Variants in DENND4A observed in about 807,000 individuals in gnomAD.
DENND4A encodes the protein DENN domain containing 4A, also known as C-myc promoter-binding protein.
In DENND4A, 70 loss-of-function variants were observed where a neutral mutation model predicts 199.3. The observed-to-expected ratio is 0.35, with a 90% confidence interval of 0.29 to 0.43. The LOEUF (loss-of-function observed/expected upper bound fraction) is 0.43. DENND4A is among the 20% of genes least tolerant of loss of function. The pLI, the probability that DENND4A is intolerant of heterozygous loss-of-function variation, is 1.00. For synonymous variants in DENND4A, 686 were observed against 766.9 expected, an observed-to-expected ratio of 0.89 and a Z score of 1.74; for missense variants, 1,723 against 2,255.8, an observed-to-expected ratio of 0.76 and a Z score of 4.78.
intron 4 of DENND4A, among the ~76,000 whole-genome samples, chr15:65,748,559 C>T (rs1322651116): frequency 1.4e-5 from 2 of 146,016 alleles, no homozygotes; most frequent in East Asian, 4.0e-4. Flanking sequence ...TTTGAGGCTA[C>T]AAAGAGCTAT....
intron 28 of DENND4A, 83 bp downstream of exon 28, chr15:65,667,842 T>A (rs2076091221): frequency 6.6e-7 from 1 of 1,508,412 alleles, no homozygotes; most frequent in African/African-American, 1.4e-5. Flanking sequence ...ATAATAAAGC[T>A]AATAAGACTA....
At chr15:65,716,453 T>A (rs2075405378) in intron 13 of DENND4A, among the ~76,000 whole-genome samples, 1 of 139,794 alleles carries the variant, frequency 7.2e-6, no homozygotes, top group Admixed American at 7.8e-5. Context: ...TGTCCATGTG[T>A]TCTCATTGTT....
chr15:65,759,629 T>C (rs1213503385), intron 2 of DENND4A, among the ~76,000 whole-genome samples: 5 of 152,196 alleles, frequency 3.3e-5, no homozygotes, highest in Non-Finnish European at 1.5e-5. Flanking sequence ...GCCTCCTAGA[T>C]GGACACTTAA....
chr15:65,695,438 TA>T (rs1271250603), intron 22 of DENND4A, among the ~76,000 whole-genome samples: 2 of 152,222 alleles, frequency 1.3e-5, no homozygotes, highest in African/African-American at 4.8e-5. Flanking sequence ...TTTAAAACTA[TA>T]AAAACCATCA....
chr15:65,718,937 G>A (rs1031115613), intron 12 of DENND4A, among the ~76,000 whole-genome samples: 2 of 150,812 alleles, frequency 1.3e-5, no homozygotes, highest in African/African-American at 2.4e-5. Flanking sequence ...CCATCACCAC[G>A]CCCAGCTAAT....
intron 1 of DENND4A, among the ~76,000 whole-genome samples, chr15:65,785,589 G>C (rs74366807): frequency 2.6e-5 from 4 of 150,990 alleles, no homozygotes; most frequent in East Asian, 3.9e-4. Flanking sequence ...TAAAATTACC[G>C]AAAAATGTAG....
intron 3 of DENND4A, among the ~76,000 whole-genome samples, chr15:65,754,584 C>T (rs1169019621): frequency 1.3e-5 from 2 of 152,146 alleles, no homozygotes; most frequent in African/African-American, 4.8e-5. Context: ...AACAAAAAGA[C>T]AACCAAATTA....
chr15:65,730,762 G>C (rs1345166744), intron 9 of DENND4A, among the ~76,000 whole-genome samples: 1 of 151,962 alleles, frequency 6.6e-6, no homozygotes, highest in East Asian at 1.9e-4. Context: ...ACTGCCGAAG[G>C]GTAAAGAGTT....
chr15:65,713,195 T>C (rs889332299), intron 14 of DENND4A, among the ~76,000 whole-genome samples: 4 of 152,228 alleles, frequency 2.6e-5, no homozygotes, highest in Non-Finnish European at 1.5e-5. Flanking sequence ...CTGCATTTGG[T>C]TGTCAAGTCT....
intron 1 of DENND4A, among the ~76,000 whole-genome samples, chr15:65,772,778 G>C (rs1013105557): frequency 7.3e-6 from 1 of 137,858 alleles, no homozygotes; most frequent in African/African-American, 2.7e-5. Context: ...CAAGCACACA[G>C]ATTGGTCAAT....
chr15:65,768,642 T>C (rs1267461914), intron 1 of DENND4A, among the ~76,000 whole-genome samples: 3 of 152,170 alleles, frequency 2.0e-5, no homozygotes, highest in East Asian at 3.8e-4. Context: ...CATACTCATA[T>C]ATAGCAGTTT....
Position 65,763,754 on chromosome 15 carries a change from T to C in DENND4A, c.-101-2316A>G, listed in dbSNP as rs116398124. ...TGAAAAGAATGAAAGCAAAATAATA[T>C]ATTCATAATCTTATTACCTTTTGAA... On this transcript the variant is annotated intron_variant, in intron 1 of 32. Coordinates refer to ENST00000443035, the MANE Select transcript of DENND4A (RefSeq NM_001320835.1). Among the ~76,000 whole-genome samples, 689 of 150,810 alleles carry C rather than the reference T, an allele frequency of 4.6e-3. 5 individuals are homozygous for C. Among genetic ancestry groups the C allele is most frequent in the African/African-American group, 0.016 (670 of 41,004 alleles).
At chr15:65,690,368 G>A (rs1295772434) in intron 23 of DENND4A, 47 bp downstream of exon 23, 33 of 1,504,530 alleles carry the variant, frequency 2.2e-5, no homozygotes, top group Non-Finnish European at 2.9e-5. Context: ...GGTGGTGATG[G>A]ATATGTGTGT....
intron 1 of DENND4A, among the ~76,000 whole-genome samples, chr15:65,763,335 G>C (rs935523942): frequency 2.0e-5 from 3 of 152,168 alleles, no homozygotes; most frequent in Non-Finnish European, 4.4e-5. Context: ...TTAGGTCCTT[G>C]ACATGTGTGT....
At chr15:65,728,731 C>T (rs183156380) in intron 11 of DENND4A, among the ~76,000 whole-genome samples, 2 of 152,168 alleles carry the variant, frequency 1.3e-5, no homozygotes, top group East Asian at 1.9e-4. Flanking sequence ...TCAGGTGATC[C>T]GACCACCTTG....
intron 1 of DENND4A, among the ~76,000 whole-genome samples, chr15:65,774,317 C>T (rs777182098): frequency 2.0e-4 from 30 of 151,998 alleles, no homozygotes; most frequent in Non-Finnish European, 3.4e-4. Context: ...ATGGAGAAAC[C>T]CAGTCTCTAC....
intron 5 of DENND4A, 23 bp downstream of exon 5, chr15:65,741,692 A>G (rs2076266861): frequency 6.2e-7 from 1 of 1,602,914 alleles, no homozygotes; most frequent in Non-Finnish European, 8.5e-7. Context: ...TATATGAAGT[A>G]TTGCATGAAA....
chr15:65,660,504 A>C lies in DENND4A; in HGVS notation c.*1347T>G, dbSNP rs1240549815. 6.5e-6 allele frequency: 3 copies of C among 459,006 alleles called. No individual in the cohort carries two copies. The highest frequency in any genetic ancestry group is 2.0e-5 in the African/African-American group (1 of 50,834). The allele number at this position is 459,006 out of a possible 1,614,324, so 28.4% of individuals were successfully genotyped here. The stretch of plus-strand genomic sequence containing the variant: ...CCTTCACTAATGATAATGTGTGCAA[A>C]CACACACACATATTGAAAATCTATA... On this transcript the variant is annotated 3_prime_UTR_variant, in exon 33 of 33. Coordinates refer to ENST00000443035, the MANE Select transcript of DENND4A (RefSeq NM_001320835.1).
chr15:65,752,139 G>C (rs1320113850), intron 4 of DENND4A, among the ~76,000 whole-genome samples: 1 of 122,354 alleles, frequency 8.2e-6, no homozygotes, highest in African/African-American at 3.0e-5. Context: ...GGGGGGGTGG[G>C]GGATATTATT....
Sources: allele counts gnomAD v4.1 joint callset (sites outside exome capture counted in the v4.1 genomes callset), GRCh38; gene constraint gnomAD v4.1.1; transcripts MANE v1.5; gene names NCBI Gene and HGNC (gene_info 2026-07-23, HGNC 2026-07-21).